Variants in SCML4 observed in about 807,000 individuals in gnomAD.
The protein encoded by SCML4 is Scm polycomb group protein like 4.
Under a neutral mutation model 41.1 loss-of-function variants are expected in SCML4, and 34 were observed. The observed-to-expected ratio is 0.83, with a 90% CI of 0.63 to 1.10. The LOEUF (loss-of-function observed/expected upper bound fraction) is 1.10. Among genes scored for constraint, SCML4 ranks in the 50% least tolerant of loss-of-function variants. The pLI, the probability that SCML4 is intolerant of heterozygous loss-of-function variation, is 0.00. For missense variants in SCML4, 522 were observed against 534.1 expected (o/e 0.98, Z 0.22); for synonymous variants, 214 against 220.9 (o/e 0.97, Z 0.28).
intron 1 of SCML4, among the ~76,000 whole-genome samples, chr6:107,791,367 T>C (rs1782315616): frequency 6.6e-6 from 1 of 152,138 alleles, no homozygotes; most frequent in African/African-American, 2.4e-5. Context: ...ATCACTTTAA[T>C]GAGCCCAAAT....
chr6:107,810,893 A>T (rs556102779), intron 1 of SCML4, among the ~76,000 whole-genome samples: 52 of 152,086 alleles, frequency 3.4e-4, no homozygotes, highest in South Asian at 2.9e-3. Context: ...ATCCCACCTC[A>T]TCCTCCCGAA....
At chr6:107,714,452 C>A (rs1774550117) in intron 6 of SCML4, among the ~76,000 whole-genome samples, 1 of 152,192 alleles carries the variant, frequency 6.6e-6, no homozygotes, top group African/African-American at 2.4e-5. Context: ...CAGCCACTCC[C>A]TCCCCATCTG....
chr6:107,721,077 C>T (rs1424313154), intron 5 of SCML4, 84 bp from the exon 6 acceptor site: 1 of 1,478,456 alleles, frequency 6.8e-7, no homozygotes, highest in African/African-American at 1.4e-5. Flanking sequence ...CAAACCCTGC[C>T]CTGCCAACAC....
At position 107,817,004 on chromosome 6, in the gene SCML4, G is replaced by A. The variant is rs570113601; in HGVS notation, c.-60+7122C>T. Among the ~76,000 whole-genome samples the A allele has an allele frequency of 4.9e-4, 74 of 152,290 alleles. 1 individual carries two copies. The South Asian group carries it at 8.5e-3, about 17-fold the overall frequency. On this transcript the variant is annotated intron_variant, in intron 1 of 7. Transcript: ENST00000369020. ...GAACACAGGAAATCTCTGCCAAAGC[G>A]TGGCCTGGGTTTTCTTAACTTTGTC...
chr6:107,778,353 A>G (rs1468408587), intron 1 of SCML4, among the ~76,000 whole-genome samples: 1 of 149,520 alleles, frequency 6.7e-6, no homozygotes, highest in Non-Finnish European at 1.5e-5. Context: ...AGTGAATACT[A>G]TCTCAGTTCA....
chr6:107,790,980 G>T (rs1244070482), intron 1 of SCML4, among the ~76,000 whole-genome samples: 2 of 151,446 alleles, frequency 1.3e-5, no homozygotes, highest in African/African-American at 2.4e-5. Context: ...TGAGGCAGGA[G>T]AATTGCTTGA....
the SCML4 span, among the ~76,000 whole-genome samples, chr6:107,839,368 G>GAAGGAAAGAAAGAAAGAAA: frequency 1.9e-5 from 1 of 52,466 alleles, no homozygotes; most frequent in African/African-American, 6.9e-5. Flanking sequence ...AAAGAAAGAA[G>GAAGGAAAGAAAGAAAGAAA]GAAAGAAAGA....
chr6:107,741,393 C>T (rs961785758), intron 5 of SCML4, among the ~76,000 whole-genome samples: 6 of 152,216 alleles, frequency 3.9e-5, no homozygotes, highest in African/African-American at 1.4e-4. Flanking sequence ...GTACAACCAG[C>T]TTTCACACCA....
intron 5 of SCML4, among the ~76,000 whole-genome samples, chr6:107,729,430 C>T (rs965355322): frequency 2.0e-5 from 3 of 152,214 alleles, no homozygotes; most frequent in Admixed American, 6.5e-5. Flanking sequence ...GGACACCAGT[C>T]ATGGGATTAG....
chr6:107,819,435 C>A (rs950550600), intron 1 of SCML4, among the ~76,000 whole-genome samples: 1 of 152,154 alleles, frequency 6.6e-6, no homozygotes, highest in Non-Finnish European at 1.5e-5. Flanking sequence ...GACAACATCA[C>A]CACCTTTCAA....
chr6:107,749,316 A>G (rs936586160), intron 3 of SCML4, among the ~76,000 whole-genome samples: 2 of 152,012 alleles, frequency 1.3e-5, no homozygotes, highest in Admixed American at 1.3e-4. Flanking sequence ...GGAAGAGCAA[A>G]CACAGGAACA....
chr6:107,803,203 CAT>C (rs771271757), intron 1 of SCML4, among the ~76,000 whole-genome samples: 3 of 77,262 alleles, frequency 3.9e-5, no homozygotes, highest in Non-Finnish European at 5.5e-5. Context: ...CCTGGCCGCC[CAT>C]CGTCTGAGAT....
chr6:107,746,738 C>G lies in SCML4; in HGVS notation c.438G>C (p.Lys146Asn). 1.2e-6 allele frequency: 2 copies of G among 1,614,198 alleles called. No individual in the cohort carries two copies. The highest frequency in any genetic ancestry group is 1.7e-6 in the Non-Finnish European group (2 of 1,180,024). Residue 146 changes from lysine to asparagine, a missense_variant, in exon 4 of 8, where the codon AAG becomes AAC. Lys to Asn is a moderately conservative substitution (Grantham distance 94). Coordinates refer to ENST00000369020, the MANE Select transcript of SCML4 (RefSeq NM_198081.5). ...QACIDCAHQQKLVFSLVKQGY... is the reference protein window; with the variant it reads ...QACIDCAHQQNLVFSLVKQGY... ...CCTGCTTGACCAGGGAGAAGACCAGCTTCTGCTGGTGGGCGCAGTCGATGC... is the reference window on the plus strand; with the variant it reads ...CCTGCTTGACCAGGGAGAAGACCAGGTTCTGCTGGTGGGCGCAGTCGATGC...
chr6:107,802,031 A>G (rs974880411), intron 1 of SCML4, among the ~76,000 whole-genome samples: 11 of 151,882 alleles, frequency 7.2e-5, no homozygotes, highest in Non-Finnish European at 1.3e-4. Flanking sequence ...TCTGTCTCCC[A>G]AAGTGCTGGG....
chr6:107,814,268 G>A (rs546944280), intron 1 of SCML4, among the ~76,000 whole-genome samples: 3 of 152,332 alleles, frequency 2.0e-5, no homozygotes, highest in South Asian at 4.1e-4. Context: ...AAAGTTAACC[G>A]TGGAGCCACT....
chr6:107,720,728 C>G lies in SCML4; in HGVS notation c.948G>C (p.Thr316=). 1 of 1,576,148 alleles carries G rather than the reference C, an allele frequency of 6.3e-7. No homozygotes were observed. Among genetic ancestry groups the G allele is most frequent in the East Asian group, 2.2e-5 (1 of 44,572 alleles). Residue 316 remains threonine (T), a synonymous_variant, in exon 6 of 8, where the codon ACG becomes ACC. Coordinates refer to ENST00000369020, the MANE Select transcript of SCML4 (RefSeq NM_198081.5). Reference sequence around the variant, plus strand: ...CACATCTGTTTCCTTCAAGAGAGGTCGTGTTTCTCTTGGGGCTGGAGGCTG... The same window carrying G: ...CACATCTGTTTCCTTCAAGAGAGGTGGTGTTTCTCTTGGGGCTGGAGGCTG... ...RPPASSPKRN[T]TSLEGNRCAS... is the part of the protein sequence containing the mutation.
chr6:107,808,138 TG>T (rs1783879120), intron 1 of SCML4, among the ~76,000 whole-genome samples: 1 of 152,194 alleles, frequency 6.6e-6, no homozygotes, highest in South Asian at 2.1e-4. Flanking sequence ...GGGGATGGGA[TG>T]TATTTTCCCC....
intron 1 of SCML4, among the ~76,000 whole-genome samples, chr6:107,785,298 C>A (rs1562256429): frequency 6.6e-6 from 1 of 152,166 alleles, no homozygotes; most frequent in Non-Finnish European, 1.5e-5. Context: ...TGTCCCTTGT[C>A]CTAGAGGACA....
At chr6:107,735,402 A>C (rs1177142151) in intron 5 of SCML4, among the ~76,000 whole-genome samples, 1 of 151,798 alleles carries the variant, frequency 6.6e-6, no homozygotes, top group African/African-American at 2.4e-5. Flanking sequence ...GCAGGAACGC[A>C]CCTCTCTTCA....
Sources: gnomAD v4.1 joint callset for allele counts (sites outside exome capture counted in the v4.1 genomes callset) on GRCh38, gnomAD v4.1.1 for gene constraint, MANE v1.5 for transcripts, NCBI Gene and HGNC (gene_info 2026-07-23, HGNC 2026-07-21) for gene names.